The following DPF3 variants were observed in gnomAD, a reference collection of about 807,000 sequenced individuals.
DPF3 encodes the protein double PHD fingers 3.
In DPF3, 18 loss-of-function variants were observed where a neutral mutation model predicts 56.8. That is an observed-to-expected ratio of 0.32 (90% confidence interval 0.22 to 0.47). DPF3 has a LOEUF of 0.47. Among genes scored for constraint, DPF3 ranks in the 20% least tolerant of loss-of-function variants. The pLI, the probability that DPF3 is intolerant of heterozygous loss-of-function variation, is 1.00. For missense variants in DPF3, 403 were observed against 488.8 expected (o/e 0.82, Z 1.65); for synonymous variants, 188 against 180.2 (o/e 1.04, Z -0.35).
At chr14:72,853,469 C>CTCT (rs1567257433) in intron 1 of DPF3, 1 of 93,874 alleles carries the variant, frequency 1.1e-5, no homozygotes, top group Non-Finnish European at 2.0e-5. Context: ...AGCTTGCTGC[C>CTCT]TTTTTTTTTT....
At position 72,714,490 on chromosome 14, in the gene DPF3, A is replaced by G; in HGVS notation, c.537T>C (p.Ser179=). Residue 179 remains serine (S), a synonymous_variant, in exon 6 of 11, where the codon TCT becomes TCC. Transcript: ENST00000556509. ...KNRTRGRARG[S]AGGRRRHDAA... ...CGTCGTGCCTCCTCCTGCCCCCTGC[A>G]GAGCCGCGAGCCTGGGGAGACATTG... 6.2e-7 allele frequency: 1 copy of G among 1,613,794 alleles called. No homozygotes were observed.
chr14:72,646,423 C>T (rs951884531), intron 8 of DPF3, among the ~76,000 whole-genome samples: 6 of 152,200 alleles, frequency 3.9e-5, no homozygotes, highest in East Asian at 1.9e-4. Flanking sequence ...ACTGCCTTTA[C>T]GAAGTGCATC....
chr14:72,873,678 G>A (rs1237678571), intron 1 of DPF3, among the ~76,000 whole-genome samples: 1 of 152,140 alleles, frequency 6.6e-6, no homozygotes, highest in Non-Finnish European at 1.5e-5. Flanking sequence ...CAACCCAAAT[G>A]TCCAACAATG....
intron 7 of DPF3, among the ~76,000 whole-genome samples, chr14:72,683,687 G>T (rs1490720981): frequency 1.3e-5 from 2 of 152,204 alleles, no homozygotes; most frequent in African/African-American, 2.4e-5. Flanking sequence ...AGGTGGACAC[G>T]CAGGGCCTCA....
chr14:72,842,364 G>A (rs1884580379), intron 1 of DPF3, among the ~76,000 whole-genome samples: 1 of 152,142 alleles, frequency 6.6e-6, no homozygotes, highest in African/African-American at 2.4e-5. Context: ...AATAAATCAT[G>A]GTGAATTTAC....
chr14:72,636,871 G>A (rs918467878), intron 8 of DPF3, among the ~76,000 whole-genome samples: 1 of 152,090 alleles, frequency 6.6e-6, no homozygotes, highest in Non-Finnish European at 1.5e-5. Flanking sequence ...GAAAGAGAAT[G>A]GAAAGGACAA....
At chr14:72,732,270 A>G (rs1889689225) in intron 3 of DPF3, among the ~76,000 whole-genome samples, 1 of 152,232 alleles carries the variant, frequency 6.6e-6, no homozygotes, top group Non-Finnish European at 1.5e-5. Flanking sequence ...CCCTTATTGC[A>G]TCCACAAAGC....
intron 8 of DPF3, among the ~76,000 whole-genome samples, chr14:72,641,682 T>A (rs1173400366): frequency 6.6e-6 from 1 of 152,190 alleles, no homozygotes; most frequent in Admixed American, 6.5e-5. Flanking sequence ...ACAGAAATGG[T>A]GGCAGGCAGC....
intron 8 of DPF3, among the ~76,000 whole-genome samples, chr14:72,654,667 T>C (rs1218139766): frequency 2.0e-5 from 3 of 152,226 alleles, no homozygotes; most frequent in Non-Finnish European, 4.4e-5. Flanking sequence ...AGGGCTGTTA[T>C]ATGGCTTTAA....
At chr14:72,781,918 A>G (rs1332650241) in intron 1 of DPF3, among the ~76,000 whole-genome samples, 5 of 152,190 alleles carry the variant, frequency 3.3e-5, no homozygotes, top group Non-Finnish European at 5.9e-5. Flanking sequence ...GAAAGAAAAC[A>G]TGCATCCGTC....
intron 8 of DPF3, among the ~76,000 whole-genome samples, chr14:72,663,442 G>A (rs1043097031): frequency 2.0e-5 from 3 of 152,026 alleles, no homozygotes; most frequent in Non-Finnish European, 2.9e-5. Context: ...AGAGTTACTC[G>A]GAGACAGTCC....
intron 1 of DPF3, among the ~76,000 whole-genome samples, chr14:72,792,753 G>C (rs559198186): frequency 7.2e-5 from 11 of 152,110 alleles, no homozygotes; most frequent in African/African-American, 2.7e-4. Flanking sequence ...AGTTAGCAGA[G>C]GCCACTTCCA....
intron 1 of DPF3, among the ~76,000 whole-genome samples, chr14:72,845,533 T>C (rs1884715027): frequency 6.6e-6 from 1 of 152,258 alleles, no homozygotes; most frequent in East Asian, 1.9e-4. Context: ...CCAGGAATCT[T>C]CTAATGTGTG....
chr14:72,723,580 G>A (rs374591223), intron 5 of DPF3, 53 bp downstream of exon 5: 46 of 1,455,540 alleles, frequency 3.2e-5, no homozygotes, highest in Admixed American at 1.9e-4. Context: ...ATCGTTGGCC[G>A]GGCACCCCAG....
chr14:72,784,236 A>G (rs1219565172), intron 1 of DPF3, among the ~76,000 whole-genome samples: 1 of 152,166 alleles, frequency 6.6e-6, no homozygotes, highest in Non-Finnish European at 1.5e-5. Context: ...ACATACTTGT[A>G]AATAGAACAA....
chr14:72,668,931 C>G (rs1326145317), intron 8 of DPF3, among the ~76,000 whole-genome samples: 1 of 152,198 alleles, frequency 6.6e-6, no homozygotes, highest in Non-Finnish European at 1.5e-5. Context: ...CCTACTGGAA[C>G]AAACTCTATT....
At chr14:72,787,736 C>T (rs542602141) in intron 1 of DPF3, among the ~76,000 whole-genome samples, 6 of 152,168 alleles carry the variant, frequency 3.9e-5, no homozygotes, top group South Asian at 4.2e-4. Context: ...AGGTGAGACA[C>T]GTGGCCCAAG....
intron 6 of DPF3, among the ~76,000 whole-genome samples, chr14:72,702,787 G>A (rs2332911): frequency 0.88 from 134,114 of 152,128 alleles, 60,476 homozygotes; most frequent in East Asian, 0.97. Flanking sequence ...GACTGGGTAC[G>A]CAGGGTACAG....
intron 1 of DPF3, chr14:72,892,258 A>G: frequency 2.0e-6 from 3 of 1,535,550 alleles, no homozygotes; most frequent in Non-Finnish European, 2.6e-6. Context: ...TGGGTTCGGT[A>G]GAAACAGCAT....
Sources: gnomAD v4.1 joint callset for allele counts (sites outside exome capture counted in the v4.1 genomes callset) on GRCh38, gnomAD v4.1.1 for gene constraint, MANE v1.5 for transcripts, NCBI Gene and HGNC (gene_info 2026-07-23, HGNC 2026-07-21) for gene names.